The following DOCK2 variants were observed in gnomAD, a reference collection of about 807,000 sequenced individuals.
DOCK2 encodes dedicator of cytokinesis protein 2.
In DOCK2, 87 loss-of-function variants were observed where a neutral mutation model predicts 248.9. The observed-to-expected ratio is 0.35, with a 90% CI of 0.29 to 0.42. DOCK2 has a LOEUF of 0.42. Among genes scored for constraint, DOCK2 ranks in the 10% least tolerant of loss-of-function variants. The probability of loss-of-function intolerance (pLI) is 1.00; values close to 1 mark genes in which losing one functional copy is unlikely to be tolerated. For synonymous variants in DOCK2, 805 were observed against 821.6 expected, an observed-to-expected ratio of 0.98 and a Z score of 0.35; for missense variants, 1,747 against 2,300.2, an observed-to-expected ratio of 0.76 and a Z score of 4.92.
intron 1 of DOCK2, among the ~76,000 whole-genome samples, chr5:169,642,732 G>A (rs1302241881): frequency 6.6e-6 from 1 of 152,196 alleles, no homozygotes; most frequent in Non-Finnish European, 1.5e-5. Flanking sequence ...GTTCATGTAA[G>A]GAGATTGTCC....
intron 25 of DOCK2, among the ~76,000 whole-genome samples, chr5:169,786,376 C>T (rs1456606275): frequency 3.9e-5 from 6 of 152,082 alleles, no homozygotes; most frequent in East Asian, 1.9e-4. Flanking sequence ...GCCTGTCTGC[C>T]GGTGTTTTCC....
chr5:169,923,701 G>A (rs1775296440), intron 27 of DOCK2, among the ~76,000 whole-genome samples: 5 of 152,224 alleles, frequency 3.3e-5, no homozygotes, highest in Non-Finnish European at 7.3e-5. Flanking sequence ...GAATATGCAT[G>A]TATTTTATAA....
chr5:169,909,047 G>A (rs1245658796), intron 27 of DOCK2, among the ~76,000 whole-genome samples: 2 of 152,320 alleles, frequency 1.3e-5, no homozygotes, highest in African/African-American at 2.4e-5. Context: ...GAATGTGAGC[G>A]AGGCTGAGCC....
chr5:169,936,216 T>C (rs1030497659), intron 27 of DOCK2, among the ~76,000 whole-genome samples: 1 of 152,342 alleles, frequency 6.6e-6, no homozygotes. Flanking sequence ...AGAGGCATTT[T>C]TGAGGCCCAA....
At chr5:169,861,131 C>T (rs1164264813) in intron 27 of DOCK2, among the ~76,000 whole-genome samples, 2 of 152,142 alleles carry the variant, frequency 1.3e-5, no homozygotes, top group South Asian at 2.1e-4. Context: ...CGCGGGGCTT[C>T]ATGTGATCAT....
Position 169,689,239 on chromosome 5 carries a change from C to A in DOCK2, c.762-13C>A, listed in dbSNP as rs1273623666. ...CCCTTGGCAGTAACGGGCTGCCACTCTTCTTCCCACAGTGAGAACTACCTA... is the reference window on the plus strand; with the variant it reads ...CCCTTGGCAGTAACGGGCTGCCACTATTCTTCCCACAGTGAGAACTACCTA... On this transcript the variant is annotated splice_polypyrimidine_tract_variant and intron_variant, in intron 8 of 51. Coordinates refer to ENST00000520908, the MANE Select transcript of DOCK2 (RefSeq NM_004946.3). 6.2e-7 allele frequency: 1 copy of A among 1,613,776 alleles called. No individual in the cohort carries two copies. The highest frequency in any genetic ancestry group is 1.3e-5 in the African/African-American group (1 of 74,906).
chr5:169,900,809 T>G (rs915423824), intron 27 of DOCK2, among the ~76,000 whole-genome samples: 11 of 152,134 alleles, frequency 7.2e-5, no homozygotes, highest in African/African-American at 2.7e-4. Flanking sequence ...TGAAAAATAT[T>G]TCCTCCTATT....
At chr5:169,898,840 T>C (rs1412491898) in intron 27 of DOCK2, among the ~76,000 whole-genome samples, 1 of 152,164 alleles carries the variant, frequency 6.6e-6, no homozygotes, top group African/African-American at 2.4e-5. Context: ...ATTTGGCCCG[T>C]GGACGGTAGT....
chr5:169,794,064 T>C (rs1020347004), intron 25 of DOCK2, among the ~76,000 whole-genome samples: 5 of 152,116 alleles, frequency 3.3e-5, no homozygotes, highest in South Asian at 2.1e-4. Context: ...TCAGCTCTCA[T>C]GGCCCCCAAC....
At chr5:169,951,955 A>G (rs1012956271) in intron 27 of DOCK2, among the ~76,000 whole-genome samples, 1 of 152,222 alleles carries the variant, frequency 6.6e-6, no homozygotes, top group African/African-American at 2.4e-5. Context: ...TATTCTGACC[A>G]TCTCTCAGCC....
At chr5:170,068,851 T>C (rs187784637) in intron 45 of DOCK2, among the ~76,000 whole-genome samples, 1 of 152,330 alleles carries the variant, frequency 6.6e-6, no homozygotes, top group East Asian at 1.9e-4. Context: ...CTAGAGACTT[T>C]GCATCTCTAA....
intron 22 of DOCK2, among the ~76,000 whole-genome samples, chr5:169,733,007 A>T (rs534877560): frequency 6.0e-4 from 92 of 152,234 alleles, no homozygotes; most frequent in African/African-American, 2.2e-3. Context: ...GATGCTTTTC[A>T]TCAGTTTAAG....
At chr5:170,057,761 T>G in intron 44 of DOCK2, 95 bp downstream of exon 44, 1 of 1,118,888 alleles carries the variant, frequency 8.9e-7, no homozygotes, top group African/African-American at 1.6e-5. Flanking sequence ...AAAGGAGACA[T>G]GTTTTTCTTT....
In DOCK2 at chr5:169,654,480, T is replaced by C. The variant is rs756827620; in HGVS notation, c.121T>C (p.Cys41Arg). Residue 41 changes from cysteine (C) to arginine (R), a missense_variant, in exon 2 of 52, where the codon TGT (cysteine) becomes CGT (arginine). This residue lies in a region of DOCK2 where 375 missense variants were observed against 510.9 expected (regional missense o/e 0.73). Transcript: ENST00000520908. ...CGATGTGGTGCGAATACAGGAGACG[T>C]GTGGAGGTGAGTCACTGGCCCACGC... is the stretch of plus-strand genomic sequence containing the variant. The part of the protein sequence containing the change: ...IGDVVRIQET[C>R]GDWYRGYLIK... 6 of 1,614,018 alleles carry C rather than the reference T, an allele frequency of 3.7e-6. No homozygotes were observed. Among genetic ancestry groups the C allele is most frequent in the Admixed American group, 3.3e-5 (2 of 60,000 alleles).
intron 38 of DOCK2, 126 bp from the exon 39 acceptor site, chr5:170,045,690 A>C: frequency 3.3e-6 from 3 of 905,012 alleles, no homozygotes; most frequent in Non-Finnish European, 5.4e-6. Context: ...ATGGGGGTGG[A>C]TCTGGGTCAG....
chr5:169,959,768 G>A (rs955696262), intron 27 of DOCK2, among the ~76,000 whole-genome samples: 2 of 152,146 alleles, frequency 1.3e-5, no homozygotes, highest in African/African-American at 2.4e-5. Context: ...TAGAGTCATC[G>A]TAGATCTAGA....
intron 25 of DOCK2, among the ~76,000 whole-genome samples, chr5:169,798,534 T>C (rs1766787624): frequency 6.6e-6 from 1 of 152,144 alleles, no homozygotes; most frequent in Non-Finnish European, 1.5e-5. Flanking sequence ...TCAACTAGAG[T>C]GCTAACAGAA....
At chr5:170,065,130 G>C (rs1268100480) in intron 44 of DOCK2, among the ~76,000 whole-genome samples, 1 of 152,114 alleles carries the variant, frequency 6.6e-6, no homozygotes, top group African/African-American at 2.4e-5. Flanking sequence ...TGGGAGGAGA[G>C]GGAGTAAAAT....
chr5:169,678,823 G>A lies in DOCK2; in HGVS notation c.471-2921G>A, dbSNP rs569588377. On this transcript the variant is annotated intron_variant, in intron 6 of 51. Transcript: ENST00000520908. ...GTCATATACATTAGGAGTGCAGGAA[G>A]CATGGGCAAGAAGGTTGGAGGACAT... 2.2e-4 allele frequency among the ~76,000 whole-genome samples: 34 copies of A among 151,552 alleles called. No homozygotes were observed. The South Asian group carries it at 2.9e-3, about 13-fold the overall frequency.
Sources: allele counts gnomAD v4.1 joint callset (sites outside exome capture counted in the v4.1 genomes callset), GRCh38; gene constraint gnomAD v4.1.1; regional missense constraint gnomAD v4.1.1; transcripts MANE v1.5; gene names NCBI Gene and HGNC (gene_info 2026-07-23, HGNC 2026-07-21).